IL36B: variants seen among roughly 807,000 people sequenced by gnomAD.
IL36B encodes interleukin-36 beta.
IL36B carries 23 observed loss-of-function variants against 19.3 expected under a neutral mutation model. The observed-to-expected ratio is 1.19, with a 90% CI of 0.86 to 1.69. The LOEUF (loss-of-function observed/expected upper bound fraction) is 1.69. Among genes scored for constraint, IL36B ranks in the 40% most tolerant of loss-of-function variants. IL36B has a pLI of 0.00. For synonymous variants in IL36B, 59 were observed against 59.7 expected (o/e 0.99, Z 0.05); for missense variants, 217 against 200.5 (o/e 1.08, Z -0.50).
At chr2:113,022,907 C>T (rs2105037324) in intron 5 of IL36B, 1 of 606,922 alleles carries the variant, frequency 1.6e-6, no homozygotes, top group Non-Finnish European at 3.0e-6. Flanking sequence ...TTGCCTTCCT[C>T]TCAGCCTTAC....
At chr2:113,046,664 C>T (rs1012530978) in intron 1 of IL36B, among the ~76,000 whole-genome samples, 4 of 151,932 alleles carry the variant, frequency 2.6e-5, no homozygotes, top group Non-Finnish European at 4.4e-5. Flanking sequence ...TAAATAGATT[C>T]GGATTTGTCT....
At chr2:113,050,685 C>T (rs371707620) in intron 1 of IL36B, among the ~76,000 whole-genome samples, 4 of 151,890 alleles carry the variant, frequency 2.6e-5, no homozygotes, top group East Asian at 1.9e-4. Context: ...AGACATCTAT[C>T]GAATAAATAA....
intron 1 of IL36B, among the ~76,000 whole-genome samples, chr2:113,038,920 C>G (rs1223546649): frequency 1.3e-5 from 2 of 152,178 alleles, no homozygotes; most frequent in Non-Finnish European, 2.9e-5. Flanking sequence ...GTGATGGGTT[C>G]TACAGTGAGT....
At chr2:113,032,683 C>G (rs11123156) in intron 1 of IL36B, among the ~76,000 whole-genome samples, 111,067 of 151,724 alleles carry the variant, frequency 0.73, 40,966 homozygotes, top group East Asian at 0.94. Flanking sequence ...TTTTGTCCCT[C>G]GTTTCAAAGT....
intron 1 of IL36B, among the ~76,000 whole-genome samples, chr2:113,035,982 G>A (rs552674207): frequency 6.6e-6 from 1 of 152,038 alleles, no homozygotes; most frequent in Non-Finnish European, 1.5e-5. Flanking sequence ...TTGCTCTGTC[G>A]CCCAGGCTGG....
chr2:113,022,209 G>T lies in IL36B; in HGVS notation c.*465C>A, dbSNP rs148377545. The T allele has an allele frequency of 6.5e-6, 1 of 153,096 alleles. No homozygotes were observed. The allele number at this position is 153,096 out of a possible 1,614,324, so 9.5% of individuals were successfully genotyped here. A position where few individuals can be genotyped will look rare whatever the true frequency, so the allele number is the denominator to read the frequency against. On this transcript the variant is annotated 3_prime_UTR_variant, in exon 6 of 6. Transcript: ENST00000259213. ...TTAAGTTATACATACTAAACAGAGC[G>T]TTTCACTCCTCATGCTCTAGTGAAT... is the stretch of plus-strand genomic sequence containing the variant.
intron 3 of IL36B, among the ~76,000 whole-genome samples, chr2:113,030,846 C>G (rs995083388): frequency 6.6e-6 from 1 of 152,122 alleles, no homozygotes. Flanking sequence ...AGCTGTCAAC[C>G]CTTCACACCC....
chr2:113,049,772 TG>T lies in IL36B; in HGVS notation c.-58+3044del, dbSNP rs371908598. On this transcript the variant is annotated intron_variant, in intron 1 of 5. Transcript: ENST00000259213. The stretch of plus-strand genomic sequence containing the variant: ...GAGTTTGAGACCAGCTTGGTCACCA[TG>T]GTGAAACCCTGTCTCTACTAAAAAT... Among the ~76,000 whole-genome samples, 99 of 152,298 alleles carry T rather than the reference TG, an allele frequency of 6.5e-4. 1 individual carries two copies. Among genetic ancestry groups the T allele is most frequent in the African/African-American group, 2.2e-3 (93 of 41,570 alleles).
At chr2:113,025,610 AGG>A (rs1479684455) in intron 5 of IL36B, among the ~76,000 whole-genome samples, 1 of 152,184 alleles carries the variant, frequency 6.6e-6, no homozygotes, top group East Asian at 1.9e-4. Context: ...TTCCATGAGA[AGG>A]CAAAAATGCT....
At chr2:113,050,345 CAAAAA>C (rs79717470) in intron 1 of IL36B, among the ~76,000 whole-genome samples, 32,951 of 146,014 alleles carry the variant, frequency 0.23, 3,973 homozygotes, top group East Asian at 0.53. Context: ...AAACTAATAA[CAAAAA>C]AAAAAAAATA....
At chr2:113,042,024 T>C (rs1685266740) in intron 1 of IL36B, among the ~76,000 whole-genome samples, 3 of 152,218 alleles carry the variant, frequency 2.0e-5, no homozygotes, top group Admixed American at 2.0e-4. Context: ...GGACATCTGA[T>C]ATGGAACATC....
rs183442069 is a variant in IL36B, at chr2:113,034,206, G to A, written c.-57-2440C>T. Among the ~76,000 whole-genome samples, 4 of 152,204 alleles carry A rather than the reference G, an allele frequency of 2.6e-5. No individual in the cohort carries two copies. In the East Asian group the frequency reaches 7.7e-4, roughly 29 times the overall value. ...CCTGCCCATCTGACTTCCCTGCTCT[G>A]GATGTACTGGATTCTGCTGATTTTC... is the stretch of plus-strand genomic sequence containing the variant. On this transcript the variant is annotated intron_variant, in intron 1 of 5. Transcript: ENST00000259213.
chr2:113,029,340 C>T (rs1473676071), intron 3 of IL36B, among the ~76,000 whole-genome samples: 2 of 152,068 alleles, frequency 1.3e-5, no homozygotes, highest in Non-Finnish European at 2.9e-5. Flanking sequence ...AAGATGTGGC[C>T]CATGAGATAA....
At chr2:113,044,244 A>C in intron 1 of IL36B, among the ~76,000 whole-genome samples, 1 of 150,154 alleles carries the variant, frequency 6.7e-6, no homozygotes, top group East Asian at 2.0e-4. Flanking sequence ...ATTTACTTTG[A>C]TATATCTATA....
At chr2:113,029,134 A>T in intron 3 of IL36B, 56 bp from the exon 4 acceptor site, 1 of 1,557,004 alleles carries the variant, frequency 6.4e-7, no homozygotes, top group South Asian at 1.2e-5. Flanking sequence ...TCTGACACTC[A>T]GTTACTCCCC....
At chr2:113,028,636 A>G (rs887318955) in intron 4 of IL36B, among the ~76,000 whole-genome samples, 2 of 152,230 alleles carry the variant, frequency 1.3e-5, no homozygotes, top group Admixed American at 6.5e-5. Flanking sequence ...GTTGTCTTAG[A>G]GGATTTCCAG....
At chr2:113,049,246 G>A (rs561016606) in intron 1 of IL36B, among the ~76,000 whole-genome samples, 316 of 152,210 alleles carry the variant, frequency 2.1e-3, no homozygotes, top group Non-Finnish European at 3.6e-3. Context: ...CTTGCATATA[G>A]CACCAAAAAA....
chr2:113,033,668 T>A (rs1381358015), intron 1 of IL36B, among the ~76,000 whole-genome samples: 1 of 152,172 alleles, frequency 6.6e-6, no homozygotes, highest in Non-Finnish European at 1.5e-5. Flanking sequence ...GCCAAGTCTC[T>A]CTATTCTTAA....
intron 1 of IL36B, among the ~76,000 whole-genome samples, chr2:113,043,924 A>G (rs1685302877): frequency 1.3e-5 from 2 of 152,312 alleles, no homozygotes; most frequent in South Asian, 4.1e-4. Context: ...TCTGGACTCT[A>G]TCCTTTTTCA....
Sources: gnomAD v4.1 joint callset for allele counts (sites outside exome capture counted in the v4.1 genomes callset) on GRCh38, gnomAD v4.1.1 for gene constraint, MANE v1.5 for transcripts, NCBI Gene and HGNC (gene_info 2026-07-23, HGNC 2026-07-21) for gene names.